The following LYRM4 variants were observed in gnomAD, a reference collection of about 807,000 sequenced individuals.
LYRM4 encodes the protein LYR motif containing 4, also known as LYR motif-containing protein 4.
In LYRM4, 9 loss-of-function variants were observed where a neutral mutation model predicts 11.7. That is an observed-to-expected ratio of 0.77 (90% CI 0.46 to 1.34). LYRM4 has a LOEUF of 1.34. Ranked by LOEUF, LYRM4 falls within the 40% of genes most tolerant of loss-of-function variation. The pLI, the probability that LYRM4 is intolerant of heterozygous loss-of-function variation, is 0.00. For synonymous variants in LYRM4, 42 were observed against 40.4 expected, an observed-to-expected ratio of 1.04 and a Z score of -0.15; for missense variants, 133 against 112.5, an observed-to-expected ratio of 1.18 and a Z score of -0.82.
chr6:5,253,421 T>G (rs544964599), intron 1 of LYRM4, among the ~76,000 whole-genome samples: 1 of 151,312 alleles, frequency 6.6e-6, no homozygotes, highest in African/African-American at 2.5e-5. Context: ...TAATGGGCAA[T>G]TCTCAGTTTT....
At chr6:5,090,041 C>CACACACACACACACACACCA in the LYRM4 span, among the ~76,000 whole-genome samples, 1 of 74,906 alleles carries the variant, frequency 1.3e-5, no homozygotes, top group African/African-American at 8.2e-5. This position sits in a 1 kb window ranked among gnomAD's most constrained non-coding sequence, Gnocchi z 4.8. Flanking sequence ...CACACACACA[C>CACACACACACACACACACCA]CACACACACA....
the LYRM4 span, chr6:5,086,661 G>A: frequency 9.7e-7 from 1 of 1,034,430 alleles, no homozygotes; most frequent in Non-Finnish European, 1.4e-6. Flanking sequence ...GCTGAGCGTG[G>A]CGAGTCTGGC....
the LYRM4 span, chr6:5,085,449 C>T: frequency 4.8e-6 from 7 of 1,451,362 alleles, no homozygotes; most frequent in East Asian, 2.5e-5. Context: ...CAGAGGGGCC[C>T]GGTTCGGCCC....
intron 2 of LYRM4, among the ~76,000 whole-genome samples, chr6:5,154,589 G>A (rs1485858747): frequency 2.0e-5 from 3 of 152,180 alleles, no homozygotes; most frequent in Non-Finnish European, 4.4e-5. Flanking sequence ...GGCCAAGGTG[G>A]GCAGATCATG....
At chr6:5,053,716 T>C in the LYRM4 span, among the ~76,000 whole-genome samples, 1 of 152,196 alleles carries the variant, frequency 6.6e-6, no homozygotes. Context: ...AGTATTTTTG[T>C]ATTGTTTCCA....
intron 1 of LYRM4, among the ~76,000 whole-genome samples, chr6:5,258,189 A>T (rs1420549465): frequency 2.0e-5 from 3 of 152,240 alleles, no homozygotes. Flanking sequence ...CTGGAGGAGC[A>T]GACAGGGCTC....
At chr6:5,101,990 G>GTTTT (rs1762519776), downstream of LYRM4, among the ~76,000 whole-genome samples, 1 of 31,950 alleles carries the variant, frequency 3.1e-5, no homozygotes, top group African/African-American at 7.7e-5. Flanking sequence ...TTTTTGGAGA[G>GTTTT]TTATGTTGCC....
At chr6:5,184,560 ATTAAT>A (rs1167611098) in intron 2 of LYRM4, among the ~76,000 whole-genome samples, 1 of 152,242 alleles carries the variant, frequency 6.6e-6, no homozygotes. Flanking sequence ...ATTTTAATAA[ATTAAT>A]TTAAGTCATC....
intron 2 of LYRM4, among the ~76,000 whole-genome samples, chr6:5,120,573 G>T (rs1763401906): frequency 6.6e-6 from 1 of 152,234 alleles, no homozygotes; most frequent in South Asian, 2.1e-4. Flanking sequence ...GGTTGCTGCT[G>T]CTGGCTGGGG....
At chr6:5,074,814 G>C in the LYRM4 span, among the ~76,000 whole-genome samples, 1 of 152,026 alleles carries the variant, frequency 6.6e-6, no homozygotes, top group Non-Finnish European at 1.5e-5. Context: ...TCATAATGGT[G>C]ATACTGTTTT....
chr6:5,208,412 T>A (rs989530169), intron 2 of LYRM4, among the ~76,000 whole-genome samples: 2 of 152,230 alleles, frequency 1.3e-5, no homozygotes, highest in African/African-American at 4.8e-5. Context: ...GTGAATGATA[T>A]GAGGACTAAA....
chr6:5,176,221 T>G (rs1338839742), intron 2 of LYRM4, among the ~76,000 whole-genome samples: 3 of 152,062 alleles, frequency 2.0e-5, no homozygotes, highest in Non-Finnish European at 2.9e-5. Context: ...TGTGCCACCA[T>G]GCCTGGCTAA....
the LYRM4 span, among the ~76,000 whole-genome samples, chr6:5,040,348 G>GATAC: frequency 6.4e-4 from 89 of 138,130 alleles, no homozygotes; most frequent in African/African-American, 9.5e-4. Context: ...TAGATAGATA[G>GATAC]ATAGATACAT....
rs76482335 is a variant in LYRM4 at position 5,176,838 on chromosome 6, A to G, written c.207+39780T>C. The stretch of plus-strand genomic sequence containing the variant: ...AAAGTGTGAGTATATAATTTCATCT[A>G]CAATGGCATGAGGCAGAAGTATAAG... On this transcript the variant is annotated intron_variant, in intron 2 of 2. Transcript: ENST00000330636. Among the ~76,000 whole-genome samples the G allele has an allele frequency of 6.1e-3, 923 of 152,368 alleles. 11 individuals carry two copies. The highest frequency in any genetic ancestry group is 0.043 in the South Asian group (210 of 4,834).
At chr6:5,081,963 A>G in the LYRM4 span, among the ~76,000 whole-genome samples, 1 of 152,040 alleles carries the variant, frequency 6.6e-6, no homozygotes, top group Non-Finnish European at 1.5e-5. Flanking sequence ...GCATGTGGAG[A>G]CCCTGGAGGC....
intron 2 of LYRM4, among the ~76,000 whole-genome samples, chr6:5,143,136 A>AT (rs549823170): frequency 2.6e-4 from 40 of 152,204 alleles, no homozygotes; most frequent in Admixed American, 6.5e-4. Context: ...GGTGATCCCG[A>AT]TAAGTGACAT....
intron 2 of LYRM4, among the ~76,000 whole-genome samples, chr6:5,206,882 CTGACCAATCCATGA>C (rs1561870566): frequency 4.7e-5 from 2 of 42,614 alleles, no homozygotes; most frequent in Non-Finnish European, 1.3e-4. Context: ...ATCCATGTAA[CTGACCAATCCATGA>C]AATCGCAGCT....
chr6:5,086,764 G>T, the LYRM4 span: 5 of 587,862 alleles, frequency 8.5e-6, no homozygotes, highest in African/African-American at 1.9e-5. Context: ...CCCGGGCAAT[G>T]CTCCGAAAGC....
intron 1 of LYRM4, among the ~76,000 whole-genome samples, chr6:5,250,595 C>T (rs2773310): frequency 0.29 from 43,661 of 152,040 alleles, 7,891 homozygotes; most frequent in African/African-American, 0.51. Flanking sequence ...TAAGAAACTG[C>T]TTTTAGGCAC....
Sources: gnomAD v4.1 joint callset for allele counts (sites outside exome capture counted in the v4.1 genomes callset) on GRCh38, gnomAD v4.1.1 for gene constraint, Gnocchi (gnomAD v3.1) non-coding constraint, MANE v1.5 for transcripts, NCBI Gene and HGNC (gene_info 2026-07-23, HGNC 2026-07-21) for gene names.